The following CSMD3 variants were observed in gnomAD, a reference collection of about 807,000 sequenced individuals.
CSMD3 encodes the protein CUB and Sushi multiple domains 3.
CSMD3 carries 177 observed loss-of-function variants against 435.2 expected under a neutral mutation model. The ratio of observed to expected loss-of-function variants is 0.41; its 90% CI spans 0.36 to 0.46. CSMD3 has a LOEUF of 0.46. CSMD3 is among the 20% of genes least tolerant of loss of function. CSMD3 has a pLI of 0.34. For synonymous variants in CSMD3, 1,656 were observed against 1,520.5 expected, an observed-to-expected ratio of 1.09 and a Z score of -2.07; for missense variants, 4,265 against 4,504.6, an observed-to-expected ratio of 0.95 and a Z score of 1.52.
chr8:112,749,462 C>G (rs980370023), intron 13 of CSMD3, among the ~76,000 whole-genome samples: 10 of 151,908 alleles, frequency 6.6e-5, no homozygotes, highest in African/African-American at 2.4e-4. Flanking sequence ...ATAAATGGTG[C>G]TAGGATAACA....
At chr8:112,906,299 A>G (rs1047215650) in intron 10 of CSMD3, among the ~76,000 whole-genome samples, 6 of 151,312 alleles carry the variant, frequency 4.0e-5, no homozygotes, top group African/African-American at 1.5e-4. Flanking sequence ...ACAAGGCTGC[A>G]ACAGAATGAC....
At chr8:112,968,234 T>C (rs2084498924) in intron 7 of CSMD3, among the ~76,000 whole-genome samples, 1 of 151,962 alleles carries the variant, frequency 6.6e-6, no homozygotes, top group Non-Finnish European at 1.5e-5. Flanking sequence ...AATAAGTACA[T>C]GTCAGCTCAA....
rs367583661 is a variant in CSMD3 at position 112,685,614 on chromosome 8, C to G, written c.2274G>C (p.Arg758=). The change falls in exon 15 of 71, where the codon CGG becomes CGC. Residue 758 remains arginine (R), a synonymous_variant. Coordinates refer to ENST00000297405, the MANE Select transcript of CSMD3 (RefSeq NM_198123.2). ...CAAAGTCATTGAAAGAAAGATGTAT[C>G]CGGCTCCCTGGATCAGAGATTATCG... is the stretch of plus-strand genomic sequence containing the variant. ...IWTIISDPGS[R]IHLSFNDFDL... 45 of 1,613,854 alleles carry G rather than the reference C, an allele frequency of 2.8e-5. No individual in the cohort carries two copies. In the African/African-American group the frequency reaches 4.8e-4, roughly 17 times the overall value.
chr8:112,952,721 C>G (rs555511181), intron 8 of CSMD3, among the ~76,000 whole-genome samples: 1 of 150,906 alleles, frequency 6.6e-6, no homozygotes, highest in Admixed American at 6.6e-5. Flanking sequence ...AATGAAAAAC[C>G]AAGAGTATTT....
At chr8:113,225,281 C>A (rs1207091280) in intron 3 of CSMD3, among the ~76,000 whole-genome samples, 1 of 151,414 alleles carries the variant, frequency 6.6e-6, no homozygotes, top group Non-Finnish European at 1.5e-5. Context: ...TCTGCACCGT[C>A]CTGAAAATAT....
chr8:113,114,161 A>G (rs921735533), intron 4 of CSMD3, among the ~76,000 whole-genome samples: 1 of 152,234 alleles, frequency 6.6e-6, no homozygotes, highest in South Asian at 2.1e-4. Context: ...AGATATCTAA[A>G]GAATGAGTTA....
At chr8:112,742,130 AT>A (rs61521004) in intron 13 of CSMD3, among the ~76,000 whole-genome samples, 2,938 of 151,994 alleles carry the variant, frequency 0.019, 88 homozygotes, top group African/African-American at 0.067. Context: ...CTCCGCACTC[AT>A]CTCTCACAAC....
At chr8:112,834,766 T>C (rs1049188518) in intron 11 of CSMD3, among the ~76,000 whole-genome samples, 1 of 151,828 alleles carries the variant, frequency 6.6e-6, no homozygotes, top group Non-Finnish European at 1.5e-5. Context: ...TATTTGGTAG[T>C]AGGGCTGAAA....
intron 3 of CSMD3, among the ~76,000 whole-genome samples, chr8:113,225,013 T>C (rs1370304507): frequency 6.6e-6 from 1 of 151,430 alleles, no homozygotes; most frequent in Non-Finnish European, 1.5e-5. Flanking sequence ...TTTTCTTCTC[T>C]TAATCTTAAT....
intron 10 of CSMD3, among the ~76,000 whole-genome samples, chr8:112,884,888 T>C (rs534504771): frequency 6.6e-6 from 1 of 151,904 alleles, no homozygotes; most frequent in Admixed American, 6.6e-5. Context: ...TAGCATAAAT[T>C]AAATACCTTT....
chr8:112,637,330 T>TA (rs2074690047), intron 21 of CSMD3, among the ~76,000 whole-genome samples: 1 of 152,190 alleles, frequency 6.6e-6, no homozygotes, highest in Admixed American at 6.6e-5. Flanking sequence ...ATTTTCGACT[T>TA]ACGGCATAAG....
intron 42 of CSMD3, 54 bp downstream of exon 42, chr8:112,341,423 T>C: frequency 8.6e-7 from 1 of 1,161,144 alleles, no homozygotes; most frequent in Non-Finnish European, 1.3e-6. Context: ...GTTAAATATT[T>C]CTAATAGCTG....
intron 3 of CSMD3, among the ~76,000 whole-genome samples, chr8:113,189,380 G>C (rs1329781693): frequency 6.6e-6 from 1 of 151,710 alleles, no homozygotes; most frequent in African/African-American, 2.4e-5. Context: ...CTATCCAACT[G>C]TATTTCAGGC....
At chr8:112,349,938 C>G (rs1365359316) in intron 40 of CSMD3, among the ~76,000 whole-genome samples, 1 of 151,946 alleles carries the variant, frequency 6.6e-6, no homozygotes, top group Non-Finnish European at 1.5e-5. Context: ...GAGATAGGGC[C>G]TTAATGAAGG....
intron 7 of CSMD3, among the ~76,000 whole-genome samples, chr8:112,967,350 T>G (rs1564158989): frequency 6.6e-6 from 1 of 151,908 alleles, no homozygotes; most frequent in East Asian, 1.9e-4. Flanking sequence ...ATAAAGCTCA[T>G]TTTTGAGGCC....
rs1300539243 is a variant in CSMD3 at position 112,598,484 on chromosome 8, C to A, written c.3716-11249G>T. Among the ~76,000 whole-genome samples the A allele has an allele frequency of 7.4e-5, 11 of 148,372 alleles. No homozygotes were observed. The East Asian group carries it at 2.0e-3, about 27-fold the overall frequency. On this transcript the variant is annotated intron_variant, in intron 22 of 70. Coordinates refer to ENST00000297405, the MANE Select transcript of CSMD3 (RefSeq NM_198123.2). ...ATTCAATGCCATCCCCATAAAGCTA[C>A]CAATGACTTTCTTCACAGAATTGGA...
intron 5 of CSMD3, among the ~76,000 whole-genome samples, chr8:113,079,716 T>A (rs79398420): frequency 0.015 from 2,345 of 152,246 alleles, 63 homozygotes; most frequent in African/African-American, 0.054. Flanking sequence ...AAGTTAAAAT[T>A]CAGAAATGTT....
At chr8:112,794,555 A>C (rs960689563) in intron 13 of CSMD3, among the ~76,000 whole-genome samples, 7 of 151,964 alleles carry the variant, frequency 4.6e-5, no homozygotes, top group South Asian at 2.1e-4. Context: ...TCGGCCTCCC[A>C]AAGTGCTGGG....
At chr8:112,519,476 A>G (rs1376331537) in intron 27 of CSMD3, among the ~76,000 whole-genome samples, 1 of 152,136 alleles carries the variant, frequency 6.6e-6, no homozygotes, top group Admixed American at 6.6e-5. Context: ...GTGCTGGCCA[A>G]TTTCATTTTG....
Sources: allele counts gnomAD v4.1 joint callset (sites outside exome capture counted in the v4.1 genomes callset), GRCh38; gene constraint gnomAD v4.1.1; transcripts MANE v1.5; gene names NCBI Gene and HGNC (gene_info 2026-07-23, HGNC 2026-07-21).